The following PDIA5 variants were observed in gnomAD, a reference collection of about 807,000 sequenced individuals.
The protein encoded by PDIA5 is protein disulfide-isomerase A5.
A neutral mutation model predicts 77.6 loss-of-function variants in PDIA5; 58 were observed. That is an observed-to-expected ratio of 0.75 (90% CI 0.61 to 0.93). The LOEUF (loss-of-function observed/expected upper bound fraction) is 0.93. Among genes scored for constraint, PDIA5 ranks in the 40% least tolerant of loss-of-function variants. The pLI is 0.00. For missense variants in PDIA5, 630 were observed against 647.7 expected (o/e 0.97, Z 0.30); for synonymous variants, 250 against 252.1 (o/e 0.99, Z 0.08).
intron 13 of PDIA5, among the ~76,000 whole-genome samples, chr3:123,146,661 G>T (rs1448831466): frequency 6.6e-6 from 1 of 152,168 alleles, no homozygotes; most frequent in Non-Finnish European, 1.5e-5. Context: ...ATGTCCACAG[G>T]GCAGGCTATG....
At chr3:123,094,478 C>T (rs1365750159) in intron 3 of PDIA5, among the ~76,000 whole-genome samples, 1 of 152,252 alleles carries the variant, frequency 6.6e-6, no homozygotes, top group African/African-American at 2.4e-5. Context: ...AAGAACCCAG[C>T]TCCTGCCCTC....
At chr3:123,100,534 G>C (rs536076155) in intron 3 of PDIA5, among the ~76,000 whole-genome samples, 1 of 152,270 alleles carries the variant, frequency 6.6e-6, no homozygotes, top group South Asian at 2.1e-4. Flanking sequence ...CATTTCATGA[G>C]TCCCCACTGT....
Position 123,150,249 on chromosome 3 carries a change from G to A in PDIA5, c.1158G>A (p.Pro386=), listed in dbSNP as rs371034001. The change falls in exon 14 of 17, where the codon CCG becomes CCA. Residue 386 remains proline, a synonymous_variant. Coordinates refer to ENST00000316218, the MANE Select transcript of PDIA5 (RefSeq NM_006810.4). ...LEWMQNPEAP[P]PPEPTWEEQQ... Reference sequence around the variant, plus strand: ...CTTCTTGCAGCCCTGAGGCCCCCCCGCCCCCAGAGCCCACGTGGGAAGAGC... The same window carrying A: ...CTTCTTGCAGCCCTGAGGCCCCCCCACCCCCAGAGCCCACGTGGGAAGAGC... The A allele has an allele frequency of 2.2e-5, 35 of 1,605,012 alleles. No individual in the cohort carries two copies. Among genetic ancestry groups the A allele is most frequent in the African/African-American group, 1.3e-4 (10 of 74,574 alleles).
intron 15 of PDIA5, among the ~76,000 whole-genome samples, chr3:123,160,569 A>T (rs571353064): frequency 6.6e-6 from 1 of 152,202 alleles, no homozygotes; most frequent in African/African-American, 2.4e-5. Context: ...CACCTCCCTC[A>T]TCCCTCACAT....
intron 14 of PDIA5, among the ~76,000 whole-genome samples, chr3:123,153,102 C>T (rs141217066): frequency 0.016 from 2,467 of 152,150 alleles, 234 homozygotes; most frequent in Admixed American, 0.15. Flanking sequence ...CTCTTTCTTT[C>T]GGATAATGAG....
chr3:123,130,366 C>T lies in PDIA5; in HGVS notation c.774-114C>T. ...TTCTGGTTTGTTAAAGGCTGAGCCC[C>T]TGGAGTGGGCCGTCCCGAGCCCATG... On this transcript the variant is annotated intron_variant, in intron 10 of 16. Transcript: ENST00000316218. 4 of 1,185,728 alleles carry T rather than the reference C, an allele frequency of 3.4e-6. No homozygotes were observed. In the South Asian group the frequency reaches 6.0e-5, roughly 18 times the overall value. The allele number at this position is 1,185,728 out of a possible 1,614,324, so 73.5% of individuals were successfully genotyped here.
intron 15 of PDIA5, among the ~76,000 whole-genome samples, chr3:123,160,254 C>T (rs946081283): frequency 2.0e-5 from 3 of 152,198 alleles, no homozygotes; most frequent in African/African-American, 4.8e-5. Context: ...GACCCCTTCT[C>T]GGGCTTCCCT....
intron 11 of PDIA5, among the ~76,000 whole-genome samples, chr3:123,132,557 T>C (rs562055898): frequency 6.6e-6 from 1 of 152,338 alleles, no homozygotes; most frequent in South Asian, 2.1e-4. Context: ...GAAGGGCGTC[T>C]GCCTCAGGTC....
chr3:123,102,190 G>A (rs567325069), intron 3 of PDIA5, among the ~76,000 whole-genome samples: 81 of 152,286 alleles, frequency 5.3e-4, no homozygotes, highest in African/African-American at 1.8e-3. Context: ...GATTATAGGC[G>A]TGAGCCCCCA....
intron 1 of PDIA5, among the ~76,000 whole-genome samples, chr3:123,068,489 G>A (rs759827772): frequency 8.5e-5 from 13 of 152,192 alleles, no homozygotes; most frequent in African/African-American, 2.9e-4. Flanking sequence ...TTGAATGCTG[G>A]TTTGCCATCA....
At chr3:123,102,373 T>G (rs764853712) in intron 3 of PDIA5, 38 bp from the exon 4 acceptor site, 1 of 1,510,630 alleles carries the variant, frequency 6.6e-7, no homozygotes, top group Non-Finnish European at 9.2e-7. Context: ...TGTGAGGACT[T>G]CAGGTAATAA....
chr3:123,095,583 C>G (rs1346758079), intron 3 of PDIA5, among the ~76,000 whole-genome samples: 1 of 152,022 alleles, frequency 6.6e-6, no homozygotes, highest in Non-Finnish European at 1.5e-5. Context: ...AACCCCATCT[C>G]TACTAAAAAT....
rs768598477 is a variant in PDIA5 at position 123,124,092 on chromosome 3, C to T, written c.636C>T (p.Ser212=). 1.2e-5 allele frequency: 20 copies of T among 1,614,094 alleles called. 1 individual carries two copies. In the South Asian group the frequency reaches 2.1e-4, roughly 17 times the overall value. ...TGCTGGCCGGGATGAATGTCTACTC[C>T]TCTGAATTTGAAAACATCAAGGAGG... ...HAVLAGMNVY[S]SEFENIKEEY... is the part of the protein sequence containing the mutation. Residue 212 remains serine, a synonymous_variant, in exon 9 of 17, where the codon TCC becomes TCT. Coordinates refer to ENST00000316218, the MANE Select transcript of PDIA5 (RefSeq NM_006810.4).
intron 3 of PDIA5, among the ~76,000 whole-genome samples, chr3:123,098,754 G>A (rs559352632): frequency 1.3e-5 from 2 of 152,258 alleles, no homozygotes; most frequent in African/African-American, 4.8e-5. Flanking sequence ...CAGGACAGGG[G>A]CCGGGGAGTC....
intron 1 of PDIA5, among the ~76,000 whole-genome samples, chr3:123,088,203 A>G (rs1934191135): frequency 6.6e-6 from 1 of 152,200 alleles, no homozygotes. Context: ...CAATCTGGGC[A>G]AGGGGATCTG....
chr3:123,145,285 A>G, intron 11 of PDIA5: 2 of 532,120 alleles, frequency 3.8e-6, no homozygotes, highest in South Asian at 2.5e-5. Context: ...TACCTGGCAC[A>G]CCAGTTGCCC....
At chr3:123,127,726 C>T (rs1935274931) in intron 10 of PDIA5, among the ~76,000 whole-genome samples, 2 of 152,178 alleles carry the variant, frequency 1.3e-5, no homozygotes, top group African/African-American at 4.8e-5. Context: ...ATCTTAATTT[C>T]TTTTCTTAAT....
At chr3:123,121,441 A>T (rs1257682095) in intron 8 of PDIA5, among the ~76,000 whole-genome samples, 2 of 152,220 alleles carry the variant, frequency 1.3e-5, no homozygotes, top group African/African-American at 4.8e-5. Flanking sequence ...TGACTTCACA[A>T]ATTCTAACTC....
chr3:123,143,470 AGGGCTACAAGCAGCTGCCGGCTCCCCTG>A, intron 11 of PDIA5, among the ~76,000 whole-genome samples: 1 of 151,388 alleles, frequency 6.6e-6, no homozygotes, highest in South Asian at 2.1e-4. Context: ...AATATGTAAT[AGGGCTACAAGCAGCTGCCGGCTCCCCTG>A]GGGCTGCCAG....
Sources: gnomAD v4.1 joint callset for allele counts (sites outside exome capture counted in the v4.1 genomes callset) on GRCh38, gnomAD v4.1.1 for gene constraint, MANE v1.5 for transcripts, NCBI Gene and HGNC (gene_info 2026-07-23, HGNC 2026-07-21) for gene names.